The following DAPL1 variants were observed in gnomAD, a reference collection of about 807,000 sequenced individuals.
DAPL1 encodes death associated protein like 1.
A neutral mutation model predicts 12.9 loss-of-function variants in DAPL1; 17 were observed. The ratio of observed to expected loss-of-function variants is 1.32; its 90% CI spans 0.90 to 1.98. The LOEUF (loss-of-function observed/expected upper bound fraction) is 1.98, where lower values mean the gene tolerates loss of function less well. Among genes scored for constraint, DAPL1 ranks in the 30% most tolerant of loss-of-function variants. DAPL1 has a pLI of 0.00. For missense variants in DAPL1, 157 were observed against 125.7 expected, an observed-to-expected ratio of 1.25 and a Z score of -1.19; for synonymous variants, 51 against 42.0, an observed-to-expected ratio of 1.21 and a Z score of -0.82.
chr2:158,798,783 A>C (rs2059149560), intron 1 of DAPL1, among the ~76,000 whole-genome samples: 1 of 152,028 alleles, frequency 6.6e-6, no homozygotes. Flanking sequence ...TTTCCTGATA[A>C]ATTAACTGTG....
chr2:158,795,414 G>A lies in DAPL1; in HGVS notation c.42G>A (p.Gly14=), dbSNP rs184869673. Residue 14 remains glycine (G), a synonymous_variant, in exon 1 of 4, where the codon GGG becomes GGA. Transcript: ENST00000309950. ...AAGACCTGCTCTCCCCTCGGAAAGG[G>A]GGACATCCTCCTGCAGGTAGGCTGC... is the stretch of plus-strand genomic sequence containing the variant. ...EVQDLLSPRK[G]GHPPAVKAGG... 4.2e-5 allele frequency: 66 copies of A among 1,555,478 alleles called. No individual in the cohort carries two copies. Among genetic ancestry groups the A allele is most frequent in the Non-Finnish European group, 5.6e-5 (64 of 1,149,176 alleles).
intron 1 of DAPL1, among the ~76,000 whole-genome samples, chr2:158,799,177 G>T (rs867922015): frequency 4.3e-4 from 66 of 152,238 alleles, no homozygotes; most frequent in Admixed American, 1.1e-3. Flanking sequence ...ATCTAAAAGA[G>T]CATCTCCCTT....
intron 1 of DAPL1, among the ~76,000 whole-genome samples, chr2:158,803,005 A>G (rs1166937922): frequency 6.6e-6 from 1 of 152,276 alleles, no homozygotes; most frequent in African/African-American, 2.4e-5. Flanking sequence ...CAGATGATAT[A>G]TAGAGATATA....
Position 158,804,300 on chromosome 2 carries a change from G to GA in DAPL1, c.79dup (p.Ile27AsnfsTer39). On this transcript the variant is annotated frameshift_variant, in exon 2 of 4. Coordinates refer to ENST00000309950, the MANE Select transcript of DAPL1 (RefSeq NM_001017920.3). LOFTEE classifies it high-confidence loss of function. The stretch of plus-strand genomic sequence containing the variant: ...TTTGTAGTAAAAGCTGGAGGAATGA[G>GA]AATTTCCAAAAAACAAGAAATTGGC... The GA allele has an allele frequency of 6.2e-7, 1 of 1,610,004 alleles. No homozygotes were observed. Among genetic ancestry groups the GA allele is most frequent in the Non-Finnish European group, 8.5e-7 (1 of 1,177,740 alleles).
chr2:158,806,731 G>A (rs1359476550), intron 2 of DAPL1, among the ~76,000 whole-genome samples: 1 of 151,914 alleles, frequency 6.6e-6, no homozygotes, highest in Non-Finnish European at 1.5e-5. Flanking sequence ...AGCTACTTGG[G>A]AGGCTGAGGC....
intron 3 of DAPL1, among the ~76,000 whole-genome samples, chr2:158,811,763 A>T (rs2059231947): frequency 1.3e-5 from 2 of 152,326 alleles, no homozygotes; most frequent in South Asian, 4.1e-4. Context: ...GACAAGAAAC[A>T]CCTTTTATTC....
intron 1 of DAPL1, among the ~76,000 whole-genome samples, chr2:158,801,111 G>A (rs1332696410): frequency 1.3e-5 from 2 of 152,144 alleles, no homozygotes; most frequent in Admixed American, 1.3e-4. Flanking sequence ...CCAAAGTGCT[G>A]GGATTACAGG....
In DAPL1 at chr2:158,804,343, C is replaced by CAAAAAAACAGGATTCGAGAAAACAAGGT; in HGVS notation, c.122_146+3dup. On this transcript the variant is annotated frameshift_variant, in exon 2 of 4. Transcript: ENST00000309950. LOFTEE classifies it high-confidence loss of function. ...AAATTGGCACCTTGGAAAGACATAC[C>CAAAAAAACAGGATTCGAGAAAACAAGGT]AAAAAAACAGGATTCGAGAAAACAA... The CAAAAAAACAGGATTCGAGAAAACAAGGT allele has an allele frequency of 3.1e-6, 5 of 1,609,894 alleles. No individual in the cohort carries two copies. The highest frequency in any genetic ancestry group is 3.4e-6 in the Non-Finnish European group (4 of 1,177,714).
intron 3 of DAPL1, 120 bp downstream of exon 3, chr2:158,807,235 T>C: frequency 1.8e-6 from 1 of 568,010 alleles, no homozygotes; most frequent in Non-Finnish European, 3.0e-6. Flanking sequence ...GAGGTCCTTG[T>C]GAAAGAATTT....
intron 3 of DAPL1, chr2:158,807,800 A>C (rs1407623681): frequency 2.0e-5 from 3 of 152,128 alleles, no homozygotes; most frequent in Non-Finnish European, 4.4e-5. Context: ...GGCATGTACC[A>C]CCACCCCCAG....
chr2:158,811,177 C>T (rs2059228370), intron 3 of DAPL1, among the ~76,000 whole-genome samples: 1 of 152,128 alleles, frequency 6.6e-6, no homozygotes, highest in African/African-American at 2.4e-5. Context: ...CTTTGGGTCA[C>T]CACTGCCAAA....
At chr2:158,795,597 A>G (rs1242181354) in intron 1 of DAPL1, among the ~76,000 whole-genome samples, 167 bp downstream of exon 1, 1 of 152,176 alleles carries the variant, frequency 6.6e-6, no homozygotes, top group African/African-American at 2.4e-5. Flanking sequence ...CTTAGCTTGT[A>G]TGTAAATCCA....
Position 158,806,189 on chromosome 2 carries a change from C to T in DAPL1, c.147-866C>T, listed in dbSNP as rs1340342294. Among the ~76,000 whole-genome samples the T allele has an allele frequency of 2.0e-5, 3 of 147,332 alleles. 1 individual carries two copies. Among genetic ancestry groups the T allele is most frequent in the Admixed American group, 6.8e-5 (1 of 14,618 alleles). Reference sequence around the variant, plus strand: ...CAGAATTTTCCAAACATCATCAATCCATGTCCACTTCCTAATAGCTTCTAC... The same window carrying T: ...CAGAATTTTCCAAACATCATCAATCTATGTCCACTTCCTAATAGCTTCTAC... On this transcript the variant is annotated intron_variant, in intron 2 of 3. Coordinates refer to ENST00000309950, the MANE Select transcript of DAPL1 (RefSeq NM_001017920.3).
At chr2:158,796,919 T>A (rs867124892) in intron 1 of DAPL1, among the ~76,000 whole-genome samples, 1 of 152,198 alleles carries the variant, frequency 6.6e-6, no homozygotes, top group East Asian at 1.9e-4. Flanking sequence ...ATAATTAGAA[T>A]GGAGATGAAG....
At chr2:158,806,011 G>C (rs950082494) in intron 2 of DAPL1, among the ~76,000 whole-genome samples, 4 of 148,128 alleles carry the variant, frequency 2.7e-5, no homozygotes, top group African/African-American at 9.8e-5. Context: ...GGAGACCCTA[G>C]GCTTAAATAT....
At chr2:158,802,954 T>C (rs2059176746) in intron 1 of DAPL1, among the ~76,000 whole-genome samples, 4 of 152,300 alleles carry the variant, frequency 2.6e-5, no homozygotes, top group Admixed American at 2.0e-4. Context: ...AGGATGTTCA[T>C]ACAATAAAAT....
chr2:158,806,947 C>A, intron 2 of DAPL1, 108 bp from the exon 3 acceptor site: 1 of 795,566 alleles, frequency 1.3e-6, no homozygotes, highest in Non-Finnish European at 2.1e-6. Context: ...TGTTCCTAAG[C>A]AAAGTGAAAG....
chr2:158,797,699 A>G (rs547016454), intron 1 of DAPL1, among the ~76,000 whole-genome samples: 25 of 152,046 alleles, frequency 1.6e-4, no homozygotes, highest in African/African-American at 5.8e-4. Flanking sequence ...GCTGAGGCAG[A>G]AGAATCGCTT....
intron 1 of DAPL1, among the ~76,000 whole-genome samples, chr2:158,803,694 T>C (rs563702528): frequency 6.6e-6 from 1 of 152,366 alleles, no homozygotes; most frequent in African/African-American, 2.4e-5. Context: ...GTTTAATTAC[T>C]CATTAGAACA....
Sources: allele counts gnomAD v4.1 joint callset (sites outside exome capture counted in the v4.1 genomes callset), GRCh38; gene constraint gnomAD v4.1.1; transcripts MANE v1.5; gene names NCBI Gene and HGNC (gene_info 2026-07-23, HGNC 2026-07-21).